The following DLC1 variants were observed in gnomAD, a reference collection of about 807,000 sequenced individuals.
DLC1 encodes DLC1 Rho GTPase activating protein.
Under a neutral mutation model 140.3 loss-of-function variants are expected in DLC1, and 54 were observed. That is an observed-to-expected ratio of 0.38 (90% CI 0.31 to 0.48). The LOEUF (loss-of-function observed/expected upper bound fraction) is 0.48. DLC1 is among the 20% of genes least tolerant of loss of function. The pLI is 0.96. For synonymous variants in DLC1, 986 were observed against 728.1 expected (o/e 1.35, Z -5.70); for missense variants, 2,536 against 1,907.0 (o/e 1.33, Z -6.14).
intron 5 of DLC1, among the ~76,000 whole-genome samples, chr8:13,222,668 G>T (rs560641608): frequency 6.6e-6 from 1 of 152,236 alleles, no homozygotes; most frequent in South Asian, 2.1e-4. Context: ...CCATCCTCTT[G>T]TCTAGGTACT....
At chr8:13,166,272 C>G (rs1397306502) in intron 5 of DLC1, among the ~76,000 whole-genome samples, 1 of 152,232 alleles carries the variant, frequency 6.6e-6, no homozygotes, top group Non-Finnish European at 1.5e-5. Flanking sequence ...TTCAGGCCAT[C>G]ATTCCTTTTG....
intron 1 of DLC1, among the ~76,000 whole-genome samples, chr8:13,532,133 A>G (rs1803119158): frequency 6.6e-6 from 1 of 152,162 alleles, no homozygotes; most frequent in Non-Finnish European, 1.5e-5. Flanking sequence ...GGCCAGGCTC[A>G]GTGGCTCATG....
intron 4 of DLC1, among the ~76,000 whole-genome samples, chr8:13,308,167 C>T (rs1442872620): frequency 6.6e-6 from 1 of 152,144 alleles, no homozygotes; most frequent in Non-Finnish European, 1.5e-5. Context: ...AAATGATAAT[C>T]AGTGAGTTGG....
intron 2 of DLC1, among the ~76,000 whole-genome samples, chr8:13,455,433 G>A (rs1001396467): frequency 4.6e-5 from 7 of 152,078 alleles, no homozygotes; most frequent in South Asian, 4.2e-4. Flanking sequence ...GGCTCATCTC[G>A]TGGCCTTAAC....
At chr8:13,574,628 A>G (rs1368728526) in intron 1 of DLC1, among the ~76,000 whole-genome samples, 1 of 152,120 alleles carries the variant, frequency 6.6e-6, no homozygotes, top group Non-Finnish European at 1.5e-5. Context: ...TACATAATAG[A>G]AATATTTATT....
intron 4 of DLC1, among the ~76,000 whole-genome samples, chr8:13,379,079 G>A (rs1178509048): frequency 6.6e-6 from 1 of 152,134 alleles, no homozygotes; most frequent in Non-Finnish European, 1.5e-5. Context: ...GTTTTCACAG[G>A]TATTTGGTTA....
chr8:13,556,291 G>A (rs1804042736), intron 1 of DLC1, among the ~76,000 whole-genome samples: 1 of 152,138 alleles, frequency 6.6e-6, no homozygotes, highest in Non-Finnish European at 1.5e-5. Flanking sequence ...TGGTCCTGGA[G>A]CACTAGTCAC....
intron 5 of DLC1, among the ~76,000 whole-genome samples, chr8:13,271,310 C>G (rs1473306384): frequency 6.6e-6 from 1 of 152,180 alleles, no homozygotes; most frequent in Non-Finnish European, 1.5e-5. Context: ...CCCTTACTTG[C>G]TTTTCACTGT....
intron 5 of DLC1, among the ~76,000 whole-genome samples, chr8:13,166,971 A>G (rs909912638): frequency 6.6e-5 from 10 of 152,136 alleles, no homozygotes; most frequent in African/African-American, 2.4e-4. Context: ...CCTATGATGA[A>G]AATGAAGCAA....
At chr8:13,225,194 A>T (rs1828736372) in intron 5 of DLC1, among the ~76,000 whole-genome samples, 1 of 152,328 alleles carries the variant, frequency 6.6e-6, no homozygotes, top group East Asian at 1.9e-4. Flanking sequence ...TAAAAAAATT[A>T]TACTTCTTTT....
chr8:13,410,010 G>C (rs79663774), intron 2 of DLC1, among the ~76,000 whole-genome samples: 1 of 151,996 alleles, frequency 6.6e-6, no homozygotes, highest in African/African-American at 2.4e-5. Context: ...ATGAAAATTA[G>C]GGTGACAGGA....
intron 5 of DLC1, among the ~76,000 whole-genome samples, chr8:13,278,656 G>C (rs1261327711): frequency 6.6e-6 from 1 of 152,176 alleles, no homozygotes; most frequent in Admixed American, 6.5e-5. Flanking sequence ...CTATGATAAA[G>C]TTAGGGACAC....
At chr8:13,105,367 T>A (rs1819474262) in intron 7 of DLC1, among the ~76,000 whole-genome samples, 1 of 152,148 alleles carries the variant, frequency 6.6e-6, no homozygotes, top group Non-Finnish European at 1.5e-5. Flanking sequence ...AAATCATAGT[T>A]CCAGCTACAC....
chr8:13,401,442 G>A (rs750956777), intron 3 of DLC1, 28 bp downstream of exon 3: 1 of 1,609,906 alleles, frequency 6.2e-7, no homozygotes, highest in Non-Finnish European at 8.5e-7. Flanking sequence ...ACTCCTATGG[G>A]AAAAGAAGTA....
In DLC1 at chr8:13,180,170, T is replaced by C. The variant is rs570659961; in HGVS notation, c.1349-64513A>G. Among the ~76,000 whole-genome samples, 123 of 152,332 alleles carry C rather than the reference T, an allele frequency of 8.1e-4. 4 individuals carry two copies. In the South Asian group the frequency reaches 0.025, roughly 31 times the overall value. ...AGGTTCCCATCAAAGGAAGCAGACT[T>C]ACTGTCTTTAGTGCAGTCAAACTAC... On this transcript the variant is annotated intron_variant, in intron 5 of 17. Transcript: ENST00000276297.
chr8:13,506,595 A>ATATACATG (rs796281094), intron 1 of DLC1, among the ~76,000 whole-genome samples: 1 of 129,820 alleles, frequency 7.7e-6, no homozygotes, highest in African/African-American at 2.9e-5. Flanking sequence ...ATATATATAT[A>ATATACATG]TATATATATA....
At chr8:13,276,561 G>A in intron 5 of DLC1, 2 of 1,273,904 alleles carry the variant, frequency 1.6e-6, no homozygotes, top group East Asian at 3.2e-5. Flanking sequence ...GCGGCCTCCT[G>A]GCCCGCGGCC....
At chr8:13,241,899 G>A (rs1317108210) in intron 5 of DLC1, among the ~76,000 whole-genome samples, 1 of 152,086 alleles carries the variant, frequency 6.6e-6, no homozygotes, top group Non-Finnish European at 1.5e-5. Flanking sequence ...GCTTCATTAA[G>A]AGGGGGCAAA....
At chr8:13,239,241 A>G (rs1829437464) in intron 5 of DLC1, among the ~76,000 whole-genome samples, 1 of 152,120 alleles carries the variant, frequency 6.6e-6, no homozygotes, top group African/African-American at 2.4e-5. Context: ...GGCTTCTTAG[A>G]GTAAGAGCTT....
Sources: allele counts gnomAD v4.1 joint callset (sites outside exome capture counted in the v4.1 genomes callset), GRCh38; gene constraint gnomAD v4.1.1; transcripts MANE v1.5; gene names NCBI Gene and HGNC (gene_info 2026-07-23, HGNC 2026-07-21).